SV2C: variants seen among roughly 807,000 people sequenced by gnomAD.
The protein encoded by SV2C is solute carrier family 22 member B3.
A neutral mutation model predicts 79.7 loss-of-function variants in SV2C; 49 were observed. The ratio of observed to expected loss-of-function variants is 0.61; its 90% confidence interval spans 0.49 to 0.78. The LOEUF is 0.78. Ranked by LOEUF, SV2C falls within the 30% of genes least tolerant of loss-of-function variation. The pLI is 0.00. For missense variants in SV2C, 833 were observed against 912.9 expected (o/e 0.91, Z 1.13); for synonymous variants, 334 against 333.2 (o/e 1.00, Z -0.03).
At chr5:75,890,574 T>G in the SV2C span, among the ~76,000 whole-genome samples, 3 of 152,112 alleles carry the variant, frequency 2.0e-5, no homozygotes, top group Admixed American at 2.0e-4. Context: ...AACACCCAGA[T>G]AGATGCCACC....
the SV2C span, among the ~76,000 whole-genome samples, chr5:75,931,503 A>G: frequency 6.6e-6 from 1 of 152,300 alleles, no homozygotes; most frequent in East Asian, 1.9e-4. Context: ...CTGTAGGCAA[A>G]TCTTTGTCTG....
chr5:76,012,546 T>G, the SV2C span, among the ~76,000 whole-genome samples: 1 of 152,192 alleles, frequency 6.6e-6, no homozygotes, highest in Non-Finnish European at 1.5e-5. Flanking sequence ...TTTCTCCCAT[T>G]CTGTAGGTTG....
chr5:75,967,921 C>G, the SV2C span, among the ~76,000 whole-genome samples: 17,243 of 152,156 alleles, frequency 0.11, 2,807 homozygotes, highest in African/African-American at 0.36. Flanking sequence ...AGGCACCCCC[C>G]AGTAGGGGCA....
At chr5:76,051,792 CTTT>C in the SV2C span, among the ~76,000 whole-genome samples, 8 of 152,052 alleles carry the variant, frequency 5.3e-5, no homozygotes, top group Non-Finnish European at 1.2e-4. Context: ...AGTTTTCCTT[CTTT>C]CAATTGATCC....
At chr5:76,127,712 T>C (rs1748755767) in intron 1 of SV2C, among the ~76,000 whole-genome samples, 1 of 152,174 alleles carries the variant, frequency 6.6e-6, no homozygotes, top group Non-Finnish European at 1.5e-5. Flanking sequence ...GGAACTGCCT[T>C]GCCTTTTGGT....
At chr5:76,186,296 C>T (rs563133793) in intron 2 of SV2C, among the ~76,000 whole-genome samples, 10 of 152,296 alleles carry the variant, frequency 6.6e-5, no homozygotes, top group South Asian at 6.2e-4. Context: ...TCCACATTTT[C>T]GGGTATCTTT....
intron 1 of SV2C, among the ~76,000 whole-genome samples, chr5:76,099,114 T>C (rs1747656238): frequency 6.6e-6 from 1 of 152,228 alleles, no homozygotes; most frequent in South Asian, 2.1e-4. Context: ...TGTAACATCA[T>C]ATTTCACTTA....
chr5:75,893,601 G>A, the SV2C span, among the ~76,000 whole-genome samples: 2 of 152,088 alleles, frequency 1.3e-5, no homozygotes, highest in Non-Finnish European at 2.9e-5. Flanking sequence ...GAGTGGGGAG[G>A]TAGGAAGGAG....
chr5:76,023,694 A>ATATG, the SV2C span, among the ~76,000 whole-genome samples: 2 of 138,236 alleles, frequency 1.4e-5, no homozygotes, highest in Non-Finnish European at 3.0e-5. Context: ...GTATATATAT[A>ATATG]TATATGTATG....
the SV2C span, among the ~76,000 whole-genome samples, chr5:75,915,816 C>T: frequency 1.3e-5 from 2 of 152,096 alleles, no homozygotes; most frequent in Non-Finnish European, 2.9e-5. Context: ...AGATGCTTAA[C>T]GAAAGGCTTA....
At chr5:76,048,178 G>A in the SV2C span, among the ~76,000 whole-genome samples, 2 of 152,100 alleles carry the variant, frequency 1.3e-5, no homozygotes, top group Non-Finnish European at 2.9e-5. Flanking sequence ...TATGGGAATT[G>A]GTTCATGTGA....
Position 76,329,174 on chromosome 5 carries a change from G to A in SV2C, c.*3627G>A, listed in dbSNP as rs1749100872. ...TTGTTTGGGAAGCCCGCATGGAATA[G>A]GCCAGAAAGCACAGTCCCCATGCTG... On this transcript the variant is annotated 3_prime_UTR_variant, in exon 13 of 13. Coordinates refer to ENST00000502798, the MANE Select transcript of SV2C (RefSeq NM_014979.4). 1 of 152,124 alleles carries A rather than the reference G, an allele frequency of 6.6e-6. No homozygotes were observed. The allele number at this position is 152,124 out of a possible 1,614,324, so 9.4% of individuals were successfully genotyped here.
chr5:76,171,567 G>A (rs1345627800), intron 2 of SV2C, among the ~76,000 whole-genome samples: 1 of 145,022 alleles, frequency 6.9e-6, no homozygotes, highest in Non-Finnish European at 1.6e-5. Context: ...TGGGAAGTGA[G>A]GAGCGTCTCC....
At chr5:76,119,115 C>T (rs59605880) in intron 1 of SV2C, among the ~76,000 whole-genome samples, 7,077 of 152,146 alleles carry the variant, frequency 0.047, 545 homozygotes, top group African/African-American at 0.16. Context: ...AGCCTACATG[C>T]CCAATGACAG....
chr5:76,236,574 TAAAATAAAGAG>T (rs1296140570), intron 4 of SV2C, among the ~76,000 whole-genome samples: 12 of 125,542 alleles, frequency 9.6e-5, no homozygotes, highest in African/African-American at 6.3e-4. Flanking sequence ...AAAAATAAAA[TAAAATAAAGAG>T]AGAGAGAGAG....
At chr5:76,142,861 G>T (rs1237068566) in intron 2 of SV2C, among the ~76,000 whole-genome samples, 2 of 150,682 alleles carry the variant, frequency 1.3e-5, no homozygotes, top group East Asian at 3.9e-4. Context: ...GAAGTCCTTT[G>T]CATATTCTCC....
At chr5:76,001,599 A>AT in the SV2C span, among the ~76,000 whole-genome samples, 1 of 151,884 alleles carries the variant, frequency 6.6e-6, no homozygotes, top group Non-Finnish European at 1.5e-5. Context: ...AGAAAAAAAA[A>AT]AATCTTTTGT....
chr5:75,884,654 T>TG, the SV2C span, among the ~76,000 whole-genome samples: 1 of 152,138 alleles, frequency 6.6e-6, no homozygotes, highest in Non-Finnish European at 1.5e-5. Flanking sequence ...AGGTTTTGAA[T>TG]GTTATCACCA....
At chr5:76,134,551 A>G (rs567982560) in intron 2 of SV2C, among the ~76,000 whole-genome samples, 1 of 152,218 alleles carries the variant, frequency 6.6e-6, no homozygotes, top group Non-Finnish European at 1.5e-5. Context: ...CTCATTTGCT[A>G]CTAAGCATTG....
Sources: allele counts gnomAD v4.1 joint callset (sites outside exome capture counted in the v4.1 genomes callset), GRCh38; gene constraint gnomAD v4.1.1; transcripts MANE v1.5; gene names NCBI Gene and HGNC (gene_info 2026-07-23, HGNC 2026-07-21).